LRRN1: variants seen among roughly 807,000 people sequenced by gnomAD.
LRRN1 encodes leucine-rich repeat neuronal protein 1.
LRRN1 carries 14 observed loss-of-function variants against 45.8 expected under a neutral mutation model. That is an observed-to-expected ratio of 0.31 (90% CI 0.20 to 0.48). The LOEUF is 0.48. Among genes scored for constraint, LRRN1 ranks in the 20% least tolerant of loss-of-function variants. The pLI is 0.99. For missense variants in LRRN1, 789 were observed against 874.2 expected (o/e 0.90, Z 1.23); for synonymous variants, 359 against 330.1 (o/e 1.09, Z -0.95).
chr3:3,824,912 T>C (rs1166378014), intron 1 of LRRN1, among the ~76,000 whole-genome samples: 1 of 152,114 alleles, frequency 6.6e-6, no homozygotes, highest in Non-Finnish European at 1.5e-5. Context: ...TTATTGTAGA[T>C]GTGTCCTGTG....
chr3:3,840,762 ATTGG>A, intron 1 of LRRN1, among the ~76,000 whole-genome samples: 4 of 152,252 alleles, frequency 2.6e-5, no homozygotes, highest in Admixed American at 2.6e-4. Flanking sequence ...TCCATGGTTG[ATTGG>A]TTGGTTAGTT....
In LRRN1 at chr3:3,834,531, T is replaced by TATATATATATATC. The variant is rs1559302618; in HGVS notation, c.-278-9821_-278-9820insCATATATATATAT. ...TCTTAGAGGGACAGAACAGGATATA[T>TATATATATATATC]ATATATATATATATATATATATGAT... On this transcript the variant is annotated intron_variant, in intron 1 of 1. Coordinates refer to ENST00000319331, the MANE Select transcript of LRRN1 (RefSeq NM_020873.7). Among the ~76,000 whole-genome samples the TATATATATATATC allele has an allele frequency of 2.0e-5, 2 of 102,524 alleles. 1 individual carries two copies. The highest frequency in any genetic ancestry group is 4.0e-5 in the Non-Finnish European group (2 of 49,836). 67.3% of individuals were successfully genotyped at this position (102,524 alleles called of 152,430 possible).
chr3:3,806,210 G>C (rs1692755782), intron 1 of LRRN1, among the ~76,000 whole-genome samples: 1 of 152,184 alleles, frequency 6.6e-6, no homozygotes, highest in Non-Finnish European at 1.5e-5. Context: ...GTAGTCGCAA[G>C]GATCCTGCCT....
chr3:3,844,871 T>G lies in LRRN1; in HGVS notation c.230T>G (p.Leu77Arg), dbSNP rs774998539. The G allele has an allele frequency of 6.2e-7, 1 of 1,614,174 alleles. No homozygotes were observed. Among genetic ancestry groups the G allele is most frequent in the South Asian group, 1.1e-5 (1 of 91,084 alleles). Residue 77 changes from leucine (L) to arginine (R), a missense_variant, in exon 2 of 2, where the codon CTT becomes CGT. By Grantham distance (102) the Leu-to-Arg change is moderately radical. Transcript: ENST00000319331. ...AACCTCTCTAGTGACACACAAGTGC[T>G]TCTCTTACAGAGCAATAACATCGCA... The part of the protein sequence containing the change: ...PSNLSSDTQV[L>R]LLQSNNIAKT...
At chr3:3,832,252 A>C (rs1199149571) in intron 1 of LRRN1, among the ~76,000 whole-genome samples, 1 of 151,996 alleles carries the variant, frequency 6.6e-6, no homozygotes, top group South Asian at 2.1e-4. Flanking sequence ...TTGATTTACT[A>C]TTTTTCTAGG....
chr3:3,832,244 G>C (rs1178555260), intron 1 of LRRN1, among the ~76,000 whole-genome samples: 1 of 152,148 alleles, frequency 6.6e-6, no homozygotes, highest in African/African-American at 2.4e-5. Context: ...TATTGTTTTT[G>C]ATTTACTATT....
chr3:3,820,666 C>A (rs1463166748), intron 1 of LRRN1, among the ~76,000 whole-genome samples: 1 of 152,198 alleles, frequency 6.6e-6, no homozygotes, highest in African/African-American at 2.4e-5. Flanking sequence ...CTGTTTCAGA[C>A]AGGCTTTGTT....
intron 1 of LRRN1, among the ~76,000 whole-genome samples, chr3:3,839,201 A>G (rs1030184557): frequency 1.3e-5 from 2 of 152,168 alleles, no homozygotes; most frequent in African/African-American, 2.4e-5. Context: ...GTAAGAGTAC[A>G]ACCTCATTCT....
At chr3:3,842,984 C>G (rs898858399) in intron 1 of LRRN1, among the ~76,000 whole-genome samples, 1 of 152,174 alleles carries the variant, frequency 6.6e-6, no homozygotes, top group African/African-American at 2.4e-5. Flanking sequence ...ATATCCTCAG[C>G]TTTCCTTCTT....
intron 1 of LRRN1, among the ~76,000 whole-genome samples, chr3:3,818,130 C>T (rs17690433): frequency 0.032 from 4,909 of 152,266 alleles, 115 homozygotes; most frequent in Middle Eastern, 0.11. Flanking sequence ...GAAATCTGTC[C>T]GAAGTGAGAA....
intron 1 of LRRN1, among the ~76,000 whole-genome samples, chr3:3,818,627 G>C (rs1257211112): frequency 6.6e-6 from 1 of 152,162 alleles, no homozygotes. Flanking sequence ...AAGACTAAAG[G>C]CTCGAGATTC....
chr3:3,813,695 G>GA (rs1692929161), intron 1 of LRRN1, among the ~76,000 whole-genome samples: 1 of 152,072 alleles, frequency 6.6e-6, no homozygotes, highest in Non-Finnish European at 1.5e-5. Context: ...TTTTCACCCT[G>GA]AAAATCCCAA....
chr3:3,834,529 T>TATATATATATATATATATATATATATC lies in LRRN1; in HGVS notation c.-278-9811_-278-9810insATCATATATATATATATATATATATAT, dbSNP rs1559302583. On this transcript the variant is annotated intron_variant, in intron 1 of 1. Transcript: ENST00000319331. Reference sequence around the variant, plus strand: ...TCTCTTAGAGGGACAGAACAGGATATATATATATATATATATATATATATG... The same window carrying TATATATATATATATATATATATATATC: ...TCTCTTAGAGGGACAGAACAGGATATATATATATATATATATATATATATATCATATATATATATATATATATATATG... Among the ~76,000 whole-genome samples the TATATATATATATATATATATATATATC allele has an allele frequency of 8.2e-5, 8 of 97,098 alleles. 2 individuals are homozygous for TATATATATATATATATATATATATATC. Among genetic ancestry groups the TATATATATATATATATATATATATATC allele is most frequent in the Non-Finnish European group, 1.7e-4 (8 of 47,114 alleles). 63.7% of individuals were successfully genotyped at this position (97,098 alleles called of 152,430 possible).
In LRRN1 at chr3:3,844,546, A is replaced by T; in HGVS notation, c.-96A>T. ...CAACCAAGACTTTGCTTGAATGTTT[A>T]CATTTTCTGCTCGCTGTCCTACATA... On this transcript the variant is annotated 5_prime_UTR_variant, in exon 2 of 2. Transcript: ENST00000319331. 3.2e-6 allele frequency: 3 copies of T among 933,004 alleles called. No individual in the cohort carries two copies. Among genetic ancestry groups the T allele is most frequent in the Admixed American group, 2.7e-5 (1 of 36,828 alleles). The allele number at this position is 933,004 out of a possible 1,614,324, so 57.8% of individuals were successfully genotyped here.
chr3:3,841,899 A>T (rs1201388654), intron 1 of LRRN1, among the ~76,000 whole-genome samples: 1 of 152,218 alleles, frequency 6.6e-6, no homozygotes, highest in Admixed American at 6.5e-5. Context: ...TGCAAATACA[A>T]GCATGTCACT....
intron 1 of LRRN1, 50 bp downstream of exon 1, chr3:3,799,969 G>C (rs1376611102): frequency 6.5e-6 from 1 of 154,118 alleles, no homozygotes; most frequent in African/African-American, 2.4e-5. Context: ...GAGGCAGCGA[G>C]GGGAAGTCGA....
At chr3:3,826,729 T>C (rs957199006) in intron 1 of LRRN1, among the ~76,000 whole-genome samples, 2 of 151,896 alleles carry the variant, frequency 1.3e-5, no homozygotes, top group African/African-American at 4.8e-5. Context: ...TTTTGGAAAA[T>C]GGTTGGAGAA....
intron 1 of LRRN1, among the ~76,000 whole-genome samples, chr3:3,824,958 C>T (rs1349765372): frequency 3.3e-5 from 5 of 152,096 alleles, no homozygotes; most frequent in African/African-American, 1.2e-4. Flanking sequence ...ACAGTTTGCG[C>T]ATCTGTATAT....
rs771066844 is a variant in LRRN1 at position 3,846,692 on chromosome 3, T to A, written c.2051T>A (p.Leu684His). The A allele has an allele frequency of 1.2e-6, 2 of 1,613,934 alleles. No homozygotes were observed. ...CCACTAAATGAGCTGTACCCACCAC[T>A]CATTAACCTCTGGGAAGGTGACAGC... ...SIPLNELYPP[L>H]INLWEGDSEK... The change falls in exon 2 of 2, where the codon CTC becomes CAC. Residue 684 changes from leucine to histidine, a missense_variant. Coordinates refer to ENST00000319331, the MANE Select transcript of LRRN1 (RefSeq NM_020873.7). The surrounding 1 kb of genome is among the most constrained non-coding windows in gnomAD (Gnocchi z 5.7).
Sources: allele counts gnomAD v4.1 joint callset (sites outside exome capture counted in the v4.1 genomes callset), GRCh38; gene constraint gnomAD v4.1.1; non-coding constraint Gnocchi (gnomAD v3.1); transcripts MANE v1.5; gene names NCBI Gene and HGNC (gene_info 2026-07-23, HGNC 2026-07-21).